DCDC1: variants seen among roughly 807,000 people sequenced by gnomAD.
DCDC1 encodes the protein doublecortin domain containing 1, also known as doublecortin domain-containing protein 1.
In DCDC1, 200 loss-of-function variants were observed where a neutral mutation model predicts 178.3. The ratio of observed to expected loss-of-function variants is 1.12; its 90% confidence interval spans 1.00 to 1.26. The LOEUF (loss-of-function observed/expected upper bound fraction) is 1.26. Among genes scored for constraint, DCDC1 ranks in the 50% most tolerant of loss-of-function variants. The pLI is 0.00. For synonymous variants in DCDC1, 690 were observed against 604.8 expected (o/e 1.14, Z -2.07); for missense variants, 1,983 against 1,749.2 (o/e 1.13, Z -2.38).
At chr11:31,086,370 C>T (rs992484386) in intron 17 of DCDC1, among the ~76,000 whole-genome samples, 5 of 152,004 alleles carry the variant, frequency 3.3e-5, no homozygotes, top group African/African-American at 1.2e-4. Flanking sequence ...TTTCATATGC[C>T]AATTGTATAT....
At chr11:31,305,416 T>C (rs1394448698) in intron 6 of DCDC1, among the ~76,000 whole-genome samples, 199 bp downstream of exon 6, 1 of 152,164 alleles carries the variant, frequency 6.6e-6, no homozygotes, top group African/African-American at 2.4e-5. Context: ...TAAGCACCAA[T>C]GCTAATGAAG....
chr11:30,913,394 G>A (rs2134189869), intron 27 of DCDC1, among the ~76,000 whole-genome samples: 1 of 151,792 alleles, frequency 6.6e-6, no homozygotes, highest in East Asian at 1.9e-4. Context: ...GGGCAACAGA[G>A]ACTCTGTCTC....
intron 10 of DCDC1, among the ~76,000 whole-genome samples, chr11:31,128,697 A>T (rs1391180611): frequency 1.3e-5 from 2 of 152,174 alleles, no homozygotes. Flanking sequence ...TGCACAGGTA[A>T]TAAAATCTTT....
chr11:31,181,038 T>A (rs1968726982), intron 9 of DCDC1, among the ~76,000 whole-genome samples: 1 of 152,134 alleles, frequency 6.6e-6, no homozygotes, highest in South Asian at 2.1e-4. Flanking sequence ...GTGAGGGGCA[T>A]CCACCCTTAT....
chr11:31,117,874 T>C lies in DCDC1; in HGVS notation c.1486-7513A>G, dbSNP rs186232713. Among the ~76,000 whole-genome samples, 296 of 152,242 alleles carry C rather than the reference T, an allele frequency of 1.9e-3. 1 individual carries two copies. The highest frequency in any genetic ancestry group is 6.6e-3 in the African/African-American group (273 of 41,562). On this transcript the variant is annotated intron_variant, in intron 11 of 38. Transcript: ENST00000684477. The stretch of plus-strand genomic sequence containing the variant: ...TATAAATGGAATATCTCAAGAAGAA[T>C]TGCAACAAGGATTTCACTTTGTCTA...
chr11:30,960,875 G>C (rs750571461), intron 20 of DCDC1, among the ~76,000 whole-genome samples: 5 of 151,980 alleles, frequency 3.3e-5, no homozygotes, highest in Non-Finnish European at 7.4e-5. Flanking sequence ...TCCCATTAAA[G>C]GCAAAATTCT....
intron 3 of DCDC1, among the ~76,000 whole-genome samples, chr11:31,309,970 A>T (rs1053559651): frequency 6.6e-6 from 1 of 152,060 alleles, no homozygotes; most frequent in Non-Finnish European, 1.5e-5. Flanking sequence ...TGGGCTGTCT[A>T]TCATTTTTGT....
chr11:30,874,785 C>G (rs1256712844), intron 38 of DCDC1, among the ~76,000 whole-genome samples: 34 of 152,120 alleles, frequency 2.2e-4, no homozygotes, highest in Admixed American at 2.2e-3. Flanking sequence ...GAGCTAAAAC[C>G]CTAATATCAG....
At chr11:31,312,020 G>A (rs553125893) in intron 3 of DCDC1, among the ~76,000 whole-genome samples, 4 of 152,138 alleles carry the variant, frequency 2.6e-5, no homozygotes, top group African/African-American at 9.6e-5. Context: ...CTAGTATAGG[G>A]ATGATGAAAA....
intron 17 of DCDC1, among the ~76,000 whole-genome samples, chr11:31,086,516 C>A (rs1468234980): frequency 6.6e-6 from 1 of 152,102 alleles, no homozygotes; most frequent in Non-Finnish European, 1.5e-5. Context: ...TCTCTTCATT[C>A]ACTGTCTTTC....
chr11:30,889,721 C>G (rs1400040860), intron 36 of DCDC1, among the ~76,000 whole-genome samples: 1 of 152,204 alleles, frequency 6.6e-6, no homozygotes, highest in Non-Finnish European at 1.5e-5. Flanking sequence ...TCTAGACATT[C>G]TCTAAGTGTC....
intron 6 of DCDC1, among the ~76,000 whole-genome samples, chr11:31,301,867 A>C (rs1045435161): frequency 6.6e-6 from 1 of 152,206 alleles, no homozygotes; most frequent in African/African-American, 2.4e-5. Flanking sequence ...AGTTACTAGA[A>C]AATCTCTAGG....
At chr11:31,093,998 G>A in intron 16 of DCDC1, 52 bp downstream of exon 16, 1 of 746,286 alleles carries the variant, frequency 1.3e-6, no homozygotes, top group Non-Finnish European at 2.5e-6. Flanking sequence ...CAAGTGCCGT[G>A]AGCCAGCAAG....
chr11:31,213,007 T>C (rs1234161035), intron 9 of DCDC1, among the ~76,000 whole-genome samples: 2 of 151,868 alleles, frequency 1.3e-5, no homozygotes, highest in Non-Finnish European at 2.9e-5. Context: ...CTTTCTTCCT[T>C]CTCTCTGCTC....
chr11:30,956,950 T>A (rs1948804572), intron 20 of DCDC1, among the ~76,000 whole-genome samples: 1 of 152,166 alleles, frequency 6.6e-6, no homozygotes, highest in South Asian at 2.1e-4. Context: ...CATTTCTCAA[T>A]GTCTGCTGGA....
intron 20 of DCDC1, among the ~76,000 whole-genome samples, chr11:31,024,648 G>A (rs1953104567): frequency 6.6e-6 from 1 of 151,844 alleles, no homozygotes; most frequent in African/African-American, 2.4e-5. Context: ...CACTCCAACA[G>A]TGTGGCATGT....
At chr11:30,888,060 A>AAG (rs59618526) in intron 36 of DCDC1, among the ~76,000 whole-genome samples, 1,210 of 73,406 alleles carry the variant, frequency 0.016, 47 homozygotes, top group African/African-American at 0.025. Context: ...GAAAGAAAGA[A>AAG]AGAGAGAGAG....
At chr11:31,171,760 T>C (rs1023592500) in intron 9 of DCDC1, among the ~76,000 whole-genome samples, 2 of 152,234 alleles carry the variant, frequency 1.3e-5, no homozygotes, top group African/African-American at 2.4e-5. Context: ...CAGCCTAATA[T>C]ATTGGCAAAG....
intron 9 of DCDC1, among the ~76,000 whole-genome samples, chr11:31,230,866 A>G (rs967729756): frequency 4.9e-4 from 74 of 150,712 alleles, no homozygotes; most frequent in Non-Finnish European, 1.5e-4. Flanking sequence ...CGGTGAGGTG[A>G]AATACCAGAG....
Sources: allele counts gnomAD v4.1 joint callset (sites outside exome capture counted in the v4.1 genomes callset), GRCh38; gene constraint gnomAD v4.1.1; transcripts MANE v1.5; gene names NCBI Gene and HGNC (gene_info 2026-07-23, HGNC 2026-07-21).